The following FUS variants were observed in gnomAD, a reference collection of about 807,000 sequenced individuals.
The protein encoded by FUS is RNA-binding protein FUS.
FUS carries 5 observed loss-of-function variants against 82.7 expected under a neutral mutation model. The observed-to-expected ratio is 0.06, with a 90% CI of 0.03 to 0.13. The LOEUF (loss-of-function observed/expected upper bound fraction) is 0.13. Among genes scored for constraint, FUS ranks in the 10% least tolerant of loss-of-function variants. The pLI is 1.00. For missense variants in FUS, 512 were observed against 707.8 expected (o/e 0.72, Z 3.14); for synonymous variants, 281 against 247.4 (o/e 1.14, Z -1.27).
chr16:31,189,831 A>T (rs200960093), intron 10 of FUS, 37 bp downstream of exon 10: 2 of 1,613,374 alleles, frequency 1.2e-6, no homozygotes, highest in East Asian at 4.5e-5. Flanking sequence ...GGGGCTGGGG[A>T]TATAGGGCAG....
chr16:31,191,652 C>T (rs140875749), downstream of FUS: 2,857 of 704,296 alleles, frequency 4.1e-3, 7 homozygotes, highest in Middle Eastern at 6.6e-3. Flanking sequence ...ATCGATGTCC[C>T]GATCAGGAAG....
intron 7 of FUS, 42 bp from the exon 8 acceptor site, chr16:31,188,283 G>GTTTTTTTT: frequency 6.3e-7 from 1 of 1,598,122 alleles, no homozygotes; most frequent in South Asian, 1.1e-5. Flanking sequence ...TCTTTTCCTT[G>GTTTTTTTT]TTTTTGTTTT....
downstream of FUS, chr16:31,194,297 T>A (rs936064561): frequency 1.9e-6 from 1 of 515,780 alleles, no homozygotes. Context: ...TTTTTAAATT[T>A]TTTTTTTTTT....
intron 6 of FUS, 90 bp from the exon 7 acceptor site, chr16:31,186,712 C>G: frequency 5.7e-6 from 7 of 1,232,214 alleles, no homozygotes; most frequent in Non-Finnish European, 7.2e-6. Flanking sequence ...AACACCTACC[C>G]ATGTTTGGGG....
At chr16:31,185,458 G>C in intron 6 of FUS, 1 of 657,154 alleles carries the variant, frequency 1.5e-6, no homozygotes, top group East Asian at 3.0e-5. Context: ...GTATGGATTG[G>C]AGTCATTAAT....
At chr16:31,194,427 G>T, downstream of FUS, 1 of 508,166 alleles carries the variant, frequency 2.0e-6, no homozygotes, top group South Asian at 1.5e-5. Context: ...TAGCTGGGAC[G>T]GGACTACAGG....
intron 5 of FUS, 44 bp downstream of exon 5, chr16:31,184,440 T>A: frequency 4.6e-6 from 4 of 866,708 alleles, no homozygotes; most frequent in Non-Finnish European, 6.4e-6. Flanking sequence ...TTCTTTTTCT[T>A]TTTTTTTTTT....
In FUS at chr16:31,185,147, T is replaced by TGGA. The variant is rs779674301; in HGVS notation, c.735_737dup (p.Gly247dup). 23 of 1,610,646 alleles carry TGGA rather than the reference T, an allele frequency of 1.4e-5. 2 individuals carry two copies. In the Admixed American group the frequency reaches 2.2e-4, roughly 15 times the overall value. On this transcript the variant is annotated inframe_insertion, in exon 6 of 15. Transcript: ENST00000254108. The stretch of plus-strand genomic sequence containing the variant: ...GTGGTGGCTATGAACCCAGAGGTCG[T>TGGA]GGAGGTGGCCGTGGAGGCAGAGGTG...
chr16:31,191,514 C>T lies in FUS; in HGVS notation c.*76C>T. 2 of 1,495,682 alleles carry T rather than the reference C, an allele frequency of 1.3e-6. No homozygotes were observed. Among genetic ancestry groups the T allele is most frequent in the South Asian group, 1.1e-5 (1 of 88,500 alleles). 92.7% of individuals were successfully genotyped at this position (1,495,682 alleles called of 1,614,324 possible). ...TTACCCTCGTTATTTTGTAACCTTC[C>T]AATTCCTGATCACCCAAGGGTTTTT... On this transcript the variant is annotated 3_prime_UTR_variant, in exon 15 of 15. Transcript: ENST00000254108.
At chr16:31,191,936 T>C (rs1270608038), downstream of FUS, 8 of 534,184 alleles carry the variant, frequency 1.5e-5, no homozygotes, top group Admixed American at 2.2e-5. Context: ...CTTTGATCTT[T>C]TGGCCCTTTT....
downstream of FUS, chr16:31,193,647 G>A (rs2079388604): frequency 1.9e-6 from 1 of 530,322 alleles, no homozygotes; most frequent in Non-Finnish European, 3.7e-6. Flanking sequence ...CCAGGTGACT[G>A]TTTAGTGGGT....
At chr16:31,184,467 T>C (rs1477280551) in intron 5 of FUS, 71 bp downstream of exon 5, 4 of 1,360,590 alleles carry the variant, frequency 2.9e-6, no homozygotes, top group Non-Finnish European at 4.1e-6. Flanking sequence ...AGACGGAGTC[T>C]TGCTCTGTCT....
chr16:31,183,803 T>C lies in FUS; in HGVS notation c.191-55T>C, dbSNP rs1051328528. On this transcript the variant is annotated intron_variant, in intron 3 of 14. Coordinates refer to ENST00000254108, the MANE Select transcript of FUS (RefSeq NM_004960.4). Reference sequence around the variant, plus strand: ...TATTATGTTTTCTTTAACCCATTCCTTACATTTTCTCTTTCCTGGTGGCTT... The same window carrying C: ...TATTATGTTTTCTTTAACCCATTCCCTACATTTTCTCTTTCCTGGTGGCTT... The C allele has an allele frequency of 1.9e-5, 30 of 1,609,860 alleles. No homozygotes were observed. The Middle Eastern group carries it at 5.0e-4, about 27-fold the overall frequency.
chr16:31,183,595 GC>G (rs2079213607), intron 3 of FUS: 1 of 495,684 alleles, frequency 2.0e-6, no homozygotes, highest in Admixed American at 3.2e-5. Context: ...GGATCCTTGG[GC>G]CTGGGTTTAG....
chr16:31,192,117 G>A (rs368791717), downstream of FUS: 7 of 531,544 alleles, frequency 1.3e-5, no homozygotes, highest in East Asian at 1.2e-4. Flanking sequence ...CTTCCTAGCT[G>A]CCCTGGTGAA....
chr16:31,188,302 T>C (rs28542742), intron 7 of FUS, 23 bp from the exon 8 acceptor site: 1 of 1,611,260 alleles, frequency 6.2e-7, no homozygotes, highest in Non-Finnish European at 8.5e-7. Flanking sequence ...TTTTTTTTGT[T>C]CTTTTTTTCC....
chr16:31,180,492 T>C (rs1158700870), intron 1 of FUS, among the ~76,000 whole-genome samples: 1 of 152,072 alleles, frequency 6.6e-6, no homozygotes, highest in African/African-American at 2.4e-5. Flanking sequence ...TTCTTAGGGG[T>C]TTGAAGCGTC....
downstream of FUS, chr16:31,194,198 T>G (rs1482872311): frequency 1.9e-6 from 1 of 530,706 alleles, no homozygotes. Flanking sequence ...GGTGGGTAGA[T>G]TGACCAGGAA....
In FUS at chr16:31,184,036, A is replaced by G; in HGVS notation, c.335+34A>G. The G allele has an allele frequency of 1.9e-6, 3 of 1,612,928 alleles. No homozygotes were observed. In the South Asian group the frequency reaches 3.3e-5, roughly 18 times the overall value. On this transcript the variant is annotated intron_variant, in intron 4 of 14. Transcript: ENST00000254108. ...GTGTTGATGTCGGGGAAGGCTTGAA[A>G]AGAGGGGTGAATTGATGAGGAATGA...
Sources: allele counts gnomAD v4.1 joint callset (sites outside exome capture counted in the v4.1 genomes callset), GRCh38; gene constraint gnomAD v4.1.1; transcripts MANE v1.5; gene names NCBI Gene and HGNC (gene_info 2026-07-23, HGNC 2026-07-21).